Variants in SCN9A observed in about 807,000 individuals in gnomAD.
SCN9A encodes the protein sodium voltage-gated channel alpha subunit 9.
SCN9A carries 131 observed loss-of-function variants against 187.0 expected under a neutral mutation model. The observed-to-expected ratio is 0.70, with a 90% CI of 0.61 to 0.81. The LOEUF (loss-of-function observed/expected upper bound fraction) is 0.81, where lower values mean the gene tolerates loss of function less well. Among genes scored for constraint, SCN9A ranks in the 30% least tolerant of loss-of-function variants. The probability of loss-of-function intolerance (pLI) is 0.00; values close to 1 mark genes in which losing one functional copy is unlikely to be tolerated. For synonymous variants in SCN9A, 809 were observed against 808.6 expected (o/e 1.00, Z -0.01); for missense variants, 2,252 against 2,396.6 (o/e 0.94, Z 1.26).
chr2:166,201,375 T>G (rs905032056), intron 26 of SCN9A, among the ~76,000 whole-genome samples: 2 of 148,314 alleles, frequency 1.3e-5, no homozygotes, highest in South Asian at 2.1e-4. Context: ...ATGCGTATAC[T>G]CTATATAGCA....
rs548072061 is a variant in SCN9A, at chr2:166,196,594, G to A, written c.*2078C>T. ...GTTATATTTGTGAGTTTGAAATAAC[G>A]GTAGATTGAATTCAAATTTAAGGTG... On this transcript the variant is annotated 3_prime_UTR_variant, in exon 27 of 27. Transcript: ENST00000642356. The A allele has an allele frequency of 1.4e-4, 21 of 152,104 alleles. No homozygotes were observed. The East Asian group carries it at 3.3e-3, about 24-fold the overall frequency. 9.4% of individuals were successfully genotyped at this position (152,104 alleles called of 1,614,324 possible).
intron 20 of SCN9A, among the ~76,000 whole-genome samples, chr2:166,234,750 AT>A (rs956618727): frequency 7.0e-4 from 106 of 150,582 alleles, no homozygotes; most frequent in Admixed American, 2.4e-3. Flanking sequence ...TAATCAGAAA[AT>A]TTTTTTTTTA....
At chr2:166,323,267 G>A (rs1699286295) in intron 1 of SCN9A, among the ~76,000 whole-genome samples, 1 of 152,092 alleles carries the variant, frequency 6.6e-6, no homozygotes, top group Non-Finnish European at 1.5e-5. Flanking sequence ...CTTCCTTCAA[G>A]CAAAGAAATA....
intron 1 of SCN9A, among the ~76,000 whole-genome samples, chr2:166,347,065 C>T (rs1431443877): frequency 6.6e-6 from 1 of 152,098 alleles, no homozygotes; most frequent in African/African-American, 2.4e-5. Flanking sequence ...CTGCCTTGTC[C>T]ACTTTTTAAA....
chr2:166,251,883 T>A lies in SCN9A; in HGVS notation c.3354A>T (p.Arg1118Ser). Residue 1118 changes from arginine (R) to serine (S), a missense_variant and splice_region_variant, in exon 18 of 27, where the codon AGA (arginine) becomes AGT (serine). This residue lies in a region of SCN9A where 313 missense variants were observed against 295.3 expected (regional missense o/e 1.06). Transcript: ENST00000642356. Reference sequence around the variant, plus strand: ...ACTCTGAGGAGCTTGACCGGTTTAATCTCTAGAAAGGAATTCACCACCCCA... The same window carrying A: ...ACTCTGAGGAGCTTGACCGGTTTAAACTCTAGAAAGGAATTCACCACCCCA... ...SDSDSEYSKV[R>S]LNRSSSSECS... is the part of the protein sequence containing the mutation. 1.2e-6 allele frequency: 2 copies of A among 1,612,168 alleles called. No homozygotes were observed. Among genetic ancestry groups the A allele is most frequent in the Non-Finnish European group, 1.7e-6 (2 of 1,178,894 alleles).
At position 166,216,285 on chromosome 2, in the gene SCN9A, A is replaced by T. The variant is rs145345781; in HGVS notation, c.4398+10282T>A. 5.3e-5 allele frequency among the ~76,000 whole-genome samples: 8 copies of T among 152,220 alleles called. No individual in the cohort carries two copies. The East Asian group carries it at 1.5e-3, about 29-fold the overall frequency. ...AGCCCACGGCTAACATTATGCAAAAACTGAAAAGTTGGGAGCTTTTCTTCT... is the reference window on the plus strand; with the variant it reads ...AGCCCACGGCTAACATTATGCAAAATCTGAAAAGTTGGGAGCTTTTCTTCT... On this transcript the variant is annotated intron_variant, in intron 24 of 26. Transcript: ENST00000642356.
intron 26 of SCN9A, among the ~76,000 whole-genome samples, chr2:166,201,712 T>C (rs1693544571): frequency 6.6e-6 from 1 of 150,762 alleles, no homozygotes; most frequent in Non-Finnish European, 1.5e-5. Flanking sequence ...TGTGTGTATG[T>C]GTATATATAT....
At chr2:166,229,708 C>G (rs1265025768) in intron 21 of SCN9A, among the ~76,000 whole-genome samples, 1 of 152,120 alleles carries the variant, frequency 6.6e-6, no homozygotes. Flanking sequence ...TCAGTTAAGA[C>G]AAAAATTAGG....
intron 17 of SCN9A, among the ~76,000 whole-genome samples, chr2:166,257,576 A>G (rs1696333519): frequency 6.6e-6 from 1 of 151,642 alleles, no homozygotes. Context: ...CCATATTTCA[A>G]GTCATTCTTA....
intron 7 of SCN9A, among the ~76,000 whole-genome samples, chr2:166,298,249 TTCTC>T (rs1698405976): frequency 6.6e-6 from 1 of 152,216 alleles, no homozygotes; most frequent in Non-Finnish European, 1.5e-5. Flanking sequence ...TTTCAAAACT[TTCTC>T]TATTAAATGT....
In SCN9A at chr2:166,277,017, A is replaced by G. The variant is rs1395440338; in HGVS notation, c.2840T>C (p.Val947Ala). 4 of 1,613,554 alleles carry G rather than the reference A, an allele frequency of 2.5e-6. No individual in the cohort carries two copies. The highest frequency in any genetic ancestry group is 1.3e-5 in the African/African-American group (1 of 74,898). Residue 947 changes from valine (V) to alanine (A), a missense_variant, in exon 16 of 27, where the codon GTT (valine) becomes GCT (alanine). Around this residue, in one of 7 missense-constraint regions of SCN9A, gnomAD observed 119 missense variants for 188.7 expected, o/e 0.63. Transcript: ENST00000642356. ...TCCAATGACCATGACCATCATGTAA[A>G]CAATAAGGCACATAGCTTGACCAGC... ...EVAGQAMCLI[V>A]YMMVMVIGNL...
chr2:166,258,896 T>A (rs1009264344), intron 17 of SCN9A, among the ~76,000 whole-genome samples: 1 of 151,514 alleles, frequency 6.6e-6, no homozygotes, highest in African/African-American at 2.4e-5. Context: ...TTGATAGAGG[T>A]TTTCAAATTA....
intron 1 of SCN9A, among the ~76,000 whole-genome samples, chr2:166,359,976 C>T (rs866507592): frequency 4.0e-5 from 6 of 151,674 alleles, no homozygotes; most frequent in Admixed American, 1.3e-4. Flanking sequence ...AATCCCAGCA[C>T]TTTGGGAAGC....
chr2:166,337,207 G>A (rs1274043601), intron 1 of SCN9A, among the ~76,000 whole-genome samples: 1 of 152,108 alleles, frequency 6.6e-6, no homozygotes, highest in Non-Finnish European at 1.5e-5. Context: ...AGTGAGATGA[G>A]CATCCAAGAT....
chr2:166,295,150 A>C (rs972276955), intron 7 of SCN9A, among the ~76,000 whole-genome samples: 1 of 152,318 alleles, frequency 6.6e-6, no homozygotes, highest in South Asian at 2.1e-4. Context: ...GGGAAGAGAA[A>C]GAACTAAAGC....
At chr2:166,358,004 T>C (rs1379066083) in intron 1 of SCN9A, among the ~76,000 whole-genome samples, 1 of 151,754 alleles carries the variant, frequency 6.6e-6, no homozygotes, top group Non-Finnish European at 1.5e-5. Flanking sequence ...TTTTTTCATC[T>C]TTGTGAGCCT....
chr2:166,281,681 T>C lies in SCN9A; in HGVS notation c.2102A>G (p.Glu701Gly), dbSNP rs1697494817. Reference protein sequence around the residue: ...SRASILTNTVEELEESRQKCP... With the variant: ...SRASILTNTVGELEESRQKCP... ...AGTAAAAGAAGATTATTACATACCT[T>C]CCACAGTGTTTGTTAATATGCTTGC... The change falls in exon 13 of 27, where the codon GAA becomes GGA. Residue 701 changes from glutamate (E) to glycine (G), a missense_variant and splice_region_variant. Glu to Gly is a moderately conservative substitution (Grantham distance 98, BLOSUM62 -2). This residue lies in a region of SCN9A where 1,013 missense variants were observed against 997.4 expected (regional missense o/e 1.02). Transcript: ENST00000642356. The C allele has an allele frequency of 6.2e-7, 1 of 1,612,790 alleles. No individual in the cohort carries two copies. Among genetic ancestry groups the C allele is most frequent in the Non-Finnish European group, 8.5e-7 (1 of 1,179,206 alleles).
rs372311962 is a variant in SCN9A at position 166,199,231 on chromosome 2, G to C, written c.5408C>G (p.Ser1803Cys). The C allele has an allele frequency of 1.4e-5, 22 of 1,614,024 alleles. No homozygotes were observed. Among genetic ancestry groups the C allele is most frequent in the Non-Finnish European group, 1.8e-5 (21 of 1,180,040 alleles). The change falls in exon 27 of 27, where the codon TCT (serine) becomes TGT (cysteine). Residue 1803 changes from serine to cysteine, a missense_variant. By Grantham distance (112) the Ser-to-Cys change is moderately radical (BLOSUM62 -1). Transcript: ENST00000642356. ...ATQFIEFSKLSDFAAALDPPL... is the reference protein window; with the variant it reads ...ATQFIEFSKLCDFAAALDPPL... Reference sequence around the variant, plus strand: ...AGGATCCAGGGCAGCTGCAAAATCAGAGAGTTTAGAGAACTCTATAAACTG... The same window carrying C: ...AGGATCCAGGGCAGCTGCAAAATCACAGAGTTTAGAGAACTCTATAAACTG...
At position 166,195,375 on chromosome 2, in the gene SCN9A, G is replaced by A. The variant is rs374410124; in HGVS notation, c.*3297C>T. 6.6e-5 allele frequency: 10 copies of A among 152,150 alleles called. No homozygotes were observed. The East Asian group carries it at 1.2e-3, about 18-fold the overall frequency. 9.4% of individuals were successfully genotyped at this position (152,150 alleles called of 1,614,324 possible). ...ATGGCTATTTATTTATTTTCATGAA[G>A]CAATTCTTGATTGTTTTCCTCAAGA... On this transcript the variant is annotated 3_prime_UTR_variant, in exon 27 of 27. Transcript: ENST00000642356.
Sources: gnomAD v4.1 joint callset for allele counts (sites outside exome capture counted in the v4.1 genomes callset) on GRCh38, gnomAD v4.1.1 for gene constraint, gnomAD v4.1.1 regional missense constraint, MANE v1.5 for transcripts, NCBI Gene and HGNC (gene_info 2026-07-23, HGNC 2026-07-21) for gene names.